Variants in ITGA7 observed in about 807,000 individuals in gnomAD.
The protein encoded by ITGA7 is integrin alpha-7.
Under a neutral mutation model 131.6 loss-of-function variants are expected in ITGA7, and 84 were observed. That is an observed-to-expected ratio of 0.64 (90% CI 0.54 to 0.77). The LOEUF is 0.77. ITGA7 is among the 30% of genes least tolerant of loss of function. The pLI is 0.00. For synonymous variants in ITGA7, 548 were observed against 600.7 expected (o/e 0.91, Z 1.28); for missense variants, 1,399 against 1,482.9 (o/e 0.94, Z 0.93).
At chr12:55,713,245 T>C (rs1397626453), upstream of ITGA7, among the ~76,000 whole-genome samples, 1 of 152,140 alleles carries the variant, frequency 6.6e-6, no homozygotes, top group African/African-American at 2.4e-5. Context: ...TCTGTGATGC[T>C]CTCACTCTTC....
At position 55,698,012 on chromosome 12, in the gene ITGA7, C is replaced by T; in HGVS notation, c.1207G>A (p.Ala403Thr). 6.2e-7 allele frequency: 1 copy of T among 1,614,144 alleles called. No individual in the cohort carries two copies. The highest frequency in any genetic ancestry group is 8.5e-7 in the Non-Finnish European group (1 of 1,180,014). The change falls in exon 8 of 25, where the codon GCC (alanine) becomes ACC (threonine). Residue 403 changes from alanine (A) to threonine (T), a missense_variant. Transcript: ENST00000257879. ...QDGFPDIAVG[A>T]PFDGDGKVFI... ...ACTTTCCCATCACCATCAAAGGGGG[C>T]ACCCACTGCAATATCTGCAGGGCAC...
rs749448519 is a variant in ITGA7, at chr12:55,695,010, C to T, written c.2004-40G>A. 7 of 1,588,638 alleles carry T rather than the reference C, an allele frequency of 4.4e-6. No homozygotes were observed. The South Asian group carries it at 5.6e-5, about 13-fold the overall frequency. On this transcript the variant is annotated intron_variant, in intron 14 of 24. Transcript: ENST00000257879. Reference sequence around the variant, plus strand: ...CCCACTCCTGCTAAGTTCTGAACACCTCCCCCTACCATTCCCCCGCCCAGT... The same window carrying T: ...CCCACTCCTGCTAAGTTCTGAACACTTCCCCCTACCATTCCCCCGCCCAGT...
At chr12:55,689,497 G>C (rs1182232122) in intron 21 of ITGA7, among the ~76,000 whole-genome samples, 1 of 152,168 alleles carries the variant, frequency 6.6e-6, no homozygotes, top group East Asian at 1.9e-4. Flanking sequence ...GAGCTCCTGG[G>C]TAGACAGGGG....
upstream of ITGA7, chr12:55,712,222 CCTTAACA>C: frequency 6.4e-7 from 1 of 1,551,482 alleles, no homozygotes; most frequent in South Asian, 1.2e-5. Context: ...CAAAAGAAAC[CCTTAACA>C]CTTGAGAAGG....
chr12:55,694,830 A>C lies in ITGA7; in HGVS notation c.2144T>G (p.Val715Gly). 3 of 1,613,870 alleles carry C rather than the reference A, an allele frequency of 1.9e-6. No homozygotes were observed. The highest frequency in any genetic ancestry group is 1.7e-6 in the Non-Finnish European group (2 of 1,179,956). ...GDDAHEAQLL[V>G]MLPDSLHYSG... ...GTAGTGCAGTGAGTCAGGAAGCATGACCAGGAGCTGGGCTTCATGGGCATC... is the reference window on the plus strand; with the variant it reads ...GTAGTGCAGTGAGTCAGGAAGCATGCCCAGGAGCTGGGCTTCATGGGCATC... Residue 715 changes from valine to glycine, a missense_variant, in exon 15 of 25, where the codon GTC (valine) becomes GGC (glycine). Physicochemically the swap from Val to Gly is moderately radical, Grantham distance 109. Coordinates refer to ENST00000257879, the MANE Select transcript of ITGA7 (RefSeq NM_002206.3). The surrounding 1 kb of genome is among the most constrained non-coding windows in gnomAD (Gnocchi z 5.3).
upstream of ITGA7, among the ~76,000 whole-genome samples, chr12:55,714,698 A>G (rs1876378581): frequency 6.6e-6 from 1 of 150,590 alleles, no homozygotes; most frequent in African/African-American, 2.4e-5. Flanking sequence ...AAATAATAAT[A>G]ATTTTATATA....
chr12:55,685,151 G>T lies in ITGA7; in HGVS notation c.3321C>A (p.Pro1107=), dbSNP rs543528251. Residue 1107 remains proline (P), a synonymous_variant, in exon 25 of 25, where the codon CCC becomes CCA. Coordinates refer to ENST00000257879, the MANE Select transcript of ITGA7 (RefSeq NM_002206.3). ...GGTGTGCATCCGGGCCCTCCCGCCG[G>T]GGGCTGCCCCAGTTGTTCCTCAGGA... ...GTILRNNWGS[P]RREGPDAHPI... The T allele has an allele frequency of 6.2e-6, 10 of 1,613,936 alleles. No homozygotes were observed. The Admixed American group carries it at 6.7e-5, about 11-fold the overall frequency.
upstream of ITGA7, chr12:55,715,974 T>G (rs1437140368): frequency 6.8e-7 from 1 of 1,460,502 alleles, no homozygotes; most frequent in Non-Finnish European, 9.0e-7. Context: ...ACCCTCTACC[T>G]CTCTTCCCCG....
upstream of ITGA7, among the ~76,000 whole-genome samples, chr12:55,714,194 C>T (rs372709502): frequency 3.3e-5 from 5 of 149,842 alleles, no homozygotes; most frequent in African/African-American, 1.2e-4. Flanking sequence ...CTAACCAACA[C>T]GGTGAAATGC....
chr12:55,695,327 T>A, intron 14 of ITGA7, 195 bp downstream of exon 14: 1 of 608,720 alleles, frequency 1.6e-6, no homozygotes, highest in East Asian at 2.8e-5. Flanking sequence ...GGATTGCTAT[T>A]CCTTGCCATG....
chr12:55,712,725 A>T (rs1876225649), upstream of ITGA7, among the ~76,000 whole-genome samples: 1 of 152,178 alleles, frequency 6.6e-6, no homozygotes, highest in Admixed American at 6.5e-5. Flanking sequence ...TGCAGCAGAA[A>T]CTAAGGTTAG....
upstream of ITGA7, chr12:55,708,148 G>A: frequency 1.7e-6 from 1 of 600,302 alleles, no homozygotes; most frequent in Non-Finnish European, 2.1e-6. Flanking sequence ...CACCCCGGGA[G>A]TGGTGGAGGC....
chr12:55,699,992 G>A lies in ITGA7; in HGVS notation c.671-3C>T. 1 of 1,614,090 alleles carries A rather than the reference G, an allele frequency of 6.2e-7. No homozygotes were observed. Among genetic ancestry groups the A allele is most frequent in the Admixed American group, 1.7e-5 (1 of 60,012 alleles). The stretch of plus-strand genomic sequence containing the variant: ...AATGTTGGTCACAAAAAGCAACCCT[G>A]TGGGGGGTGGGGTGAGACACCAGGG... On this transcript the variant is annotated splice_region_variant and splice_polypyrimidine_tract_variant and intron_variant, in intron 4 of 24. Transcript: ENST00000257879.
At chr12:55,712,079 T>G, upstream of ITGA7, 1 of 1,551,526 alleles carries the variant, frequency 6.4e-7, no homozygotes, top group Non-Finnish European at 8.7e-7. Context: ...AGCACTGGAA[T>G]CCTTCTGCCT....
At chr12:55,704,659 G>C (rs1355396984) in intron 1 of ITGA7, among the ~76,000 whole-genome samples, 1 of 152,184 alleles carries the variant, frequency 6.6e-6, no homozygotes, top group Non-Finnish European at 1.5e-5. Flanking sequence ...TATGAGATAA[G>C]GATTCTTTTC....
In ITGA7 at chr12:55,698,553, G is replaced by T. The variant is rs1357324229; in HGVS notation, c.1022C>A (p.Ala341Asp). 1 of 1,614,126 alleles carries T rather than the reference G, an allele frequency of 6.2e-7. No homozygotes were observed. Among genetic ancestry groups the T allele is most frequent in the South Asian group, 1.1e-5 (1 of 91,074 alleles). Reference protein sequence around the residue: ...SDGWPDLIVGAPYFFERQEEL... With the variant: ...SDGWPDLIVGDPYFFERQEEL... ...TTCTTGGCGCTCAAAGAAGTAGGGG[G>T]CACCCACTATCAGGTCTGGCCAGCT... Residue 341 changes from alanine (A) to aspartate (D), a missense_variant, in exon 7 of 25, where the codon GCC becomes GAC. Coordinates refer to ENST00000257879, the MANE Select transcript of ITGA7 (RefSeq NM_002206.3).
In ITGA7 at chr12:55,696,340, C is replaced by T; in HGVS notation, c.1830G>A (p.Gly610=). The T allele has an allele frequency of 1.3e-6, 2 of 1,584,900 alleles. No homozygotes were observed. Among genetic ancestry groups the T allele is most frequent in the Non-Finnish European group, 8.6e-7 (1 of 1,164,518 alleles). The part of the protein sequence containing the change: ...PRLRRQAPGQ[G]LPPVAPILNA... ...TGAGGATGGGGGCCACTGGAGGCAG[C>T]CCCTGGCCAGGAGCCTGTCGCCGGA... The change falls in exon 13 of 25, where the codon GGG becomes GGA. Residue 610 remains glycine, a synonymous_variant. Transcript: ENST00000257879.
intron 4 of ITGA7, 166 bp from the exon 5 acceptor site, chr12:55,700,155 C>G (rs1873649651): frequency 7.0e-7 from 1 of 1,428,710 alleles, no homozygotes. Context: ...CAGAGAGAGA[C>G]AAGGTGAGAG....
chr12:55,688,047 A>C lies in ITGA7; in HGVS notation c.3107T>G (p.Val1036Gly), dbSNP rs1334906946. 2 of 1,613,860 alleles carry C rather than the reference A, an allele frequency of 1.2e-6. No homozygotes were observed. The highest frequency in any genetic ancestry group is 2.7e-5 in the African/African-American group (2 of 74,842). The change falls in exon 24 of 25, where the codon GTG becomes GGG. Residue 1036 changes from valine (V) to glycine (G), a missense_variant. Val to Gly is a moderately radical substitution (Grantham distance 109, BLOSUM62 -3). Coordinates refer to ENST00000257879, the MANE Select transcript of ITGA7 (RefSeq NM_002206.3). ...LDPMAVVAEG[V>G]PWWVILLAVL... is the part of the protein sequence containing the mutation. ...AGCCAGGAGGATGACCCACCAGGGCACTCCTTCTGCCACCACAGCCATGGG... is the reference window on the plus strand; with the variant it reads ...AGCCAGGAGGATGACCCACCAGGGCCCTCCTTCTGCCACCACAGCCATGGG...
Sources: allele counts gnomAD v4.1 joint callset (sites outside exome capture counted in the v4.1 genomes callset), GRCh38; gene constraint gnomAD v4.1.1; non-coding constraint Gnocchi (gnomAD v3.1); transcripts MANE v1.5; gene names NCBI Gene and HGNC (gene_info 2026-07-23, HGNC 2026-07-21).